Variants in GSR observed in about 807,000 individuals in gnomAD.
GSR encodes the protein glutathione reductase, mitochondrial.
A neutral mutation model predicts 56.5 loss-of-function variants in GSR; 48 were observed. The observed-to-expected ratio is 0.85, with a 90% CI of 0.67 to 1.08. GSR has a LOEUF of 1.08. Among genes scored for constraint, GSR ranks in the 50% least tolerant of loss-of-function variants. The pLI, the probability that GSR is intolerant of heterozygous loss-of-function variation, is 0.00. For missense variants in GSR, 694 were observed against 703.3 expected (o/e 0.99, Z 0.15); for synonymous variants, 264 against 270.8 (o/e 0.97, Z 0.25).
At chr8:30,688,704 C>T (rs1352967517) in intron 9 of GSR, among the ~76,000 whole-genome samples, 1 of 150,142 alleles carries the variant, frequency 6.7e-6, no homozygotes, top group East Asian at 2.0e-4. Flanking sequence ...ATGGGCGAAT[C>T]GCTTGAGCCG....
chr8:30,723,326 A>G (rs1804610663), intron 1 of GSR, among the ~76,000 whole-genome samples: 1 of 152,000 alleles, frequency 6.6e-6, no homozygotes, highest in Admixed American at 6.6e-5. Context: ...CCTTTTGGAG[A>G]CTTGAAATGC....
rs936468581 is a variant in GSR at position 30,727,652 on chromosome 8, C to T, written c.184G>A (p.Val62Met). 6.8e-7 allele frequency: 1 copy of T among 1,465,986 alleles called. No individual in the cohort carries two copies. The highest frequency in any genetic ancestry group is 8.9e-7 in the Non-Finnish European group (1 of 1,117,680). The allele number at this position is 1,465,986 out of a possible 1,614,324, so 90.8% of individuals were successfully genotyped here. A position where few individuals can be genotyped will look rare whatever the true frequency, so the allele number is the denominator to read the frequency against. Residue 62 changes from valine (V) to methionine (M), a missense_variant, in exon 1 of 13, where the codon GTG becomes ATG. Physicochemically the swap from Val to Met is conservative, Grantham distance 21. Coordinates refer to ENST00000221130, the MANE Select transcript of GSR (RefSeq NM_000637.5). ...PQGPPPAAGA[V>M]ASYDYLVIGG... ...ATCACCAGGTAGTCATAGGAGGCCA[C>T]GGCGCCAGCAGCGGGCGGCGGGCCC...
intron 9 of GSR, among the ~76,000 whole-genome samples, chr8:30,685,976 A>ACT (rs949138610): frequency 2.7e-5 from 3 of 109,204 alleles, no homozygotes; most frequent in African/African-American, 1.1e-4. Flanking sequence ...ACAGAAAGAG[A>ACT]CTCTGCCTCA....
intron 4 of GSR, among the ~76,000 whole-genome samples, chr8:30,706,554 C>T (rs545531818): frequency 5.8e-4 from 88 of 152,082 alleles, no homozygotes; most frequent in Admixed American, 2.4e-3. Context: ...ATCTTAGAAA[C>T]AGCAAAGTGA....
At position 30,679,633 on chromosome 8, in the gene GSR, C is replaced by T; in HGVS notation, c.1456G>A (p.Glu486Lys). 6.2e-7 allele frequency: 1 copy of T among 1,613,852 alleles called. No individual in the cohort carries two copies. The highest frequency in any genetic ancestry group is 8.5e-7 in the Non-Finnish European group (1 of 1,179,854). ...GCAACAGCAAAACCCTGCAGCATTT[C>T]ATCACACCCAAGTCCCTGCATATGG... ...GIHMQGLGCD[E>K]MLQGFAVAVK... The change falls in exon 13 of 13, where the codon GAA (glutamate) becomes AAA (lysine). Residue 486 changes from glutamate (E) to lysine (K), a missense_variant. By Grantham distance (56) the Glu-to-Lys change is moderately conservative. Transcript: ENST00000221130.
chr8:30,719,360 C>T (rs1586069505), intron 1 of GSR, among the ~76,000 whole-genome samples: 1 of 151,894 alleles, frequency 6.6e-6, no homozygotes, highest in East Asian at 1.9e-4. Context: ...TCATGATCCG[C>T]CCACCTCGGC....
intron 10 of GSR, 76 bp downstream of exon 10, chr8:30,684,012 C>T: frequency 1.2e-6 from 1 of 813,950 alleles, no homozygotes; most frequent in Admixed American, 1.7e-5. Context: ...AAGCAGACTG[C>T]AGATTTGACA....
At chr8:30,709,733 T>C (rs1804059144) in intron 3 of GSR, 81 bp downstream of exon 3, 1 of 790,648 alleles carries the variant, frequency 1.3e-6, no homozygotes, top group Non-Finnish European at 2.3e-6. Flanking sequence ...TCCTCCTCCA[T>C]CCCTAAAAAA....
chr8:30,727,505 G>A, intron 1 of GSR, 25 bp downstream of exon 1: 1 of 1,531,986 alleles, frequency 6.5e-7, no homozygotes, highest in Non-Finnish European at 8.8e-7. Flanking sequence ...GGCGCCCCCC[G>A]CCCGAACAAA....
intron 8 of GSR, 47 bp downstream of exon 8, chr8:30,692,922 G>T: frequency 1.8e-6 from 2 of 1,139,746 alleles, no homozygotes; most frequent in African/African-American, 1.5e-5. Context: ...CAAGCAGAAA[G>T]TGTGATTGAC....
intron 1 of GSR, among the ~76,000 whole-genome samples, chr8:30,726,578 G>A (rs1018745346): frequency 3.3e-5 from 5 of 152,072 alleles, no homozygotes; most frequent in Admixed American, 6.6e-5. Context: ...GGGCAACATA[G>A]CGAGACCCCC....
intron 10 of GSR, among the ~76,000 whole-genome samples, chr8:30,683,520 T>C (rs1301978119): frequency 1.3e-5 from 2 of 151,986 alleles, no homozygotes; most frequent in East Asian, 1.9e-4. Context: ...ATCTAGGCCA[T>C]GTGTGGTGGC....
chr8:30,699,338 G>T (rs1270510469), intron 6 of GSR, among the ~76,000 whole-genome samples: 1 of 151,876 alleles, frequency 6.6e-6, no homozygotes, highest in Non-Finnish European at 1.5e-5. Flanking sequence ...GCCAGGTGTG[G>T]TGGCTCACAT....
At chr8:30,680,378 C>T (rs1239105188) in intron 12 of GSR, among the ~76,000 whole-genome samples, 1 of 112,950 alleles carries the variant, frequency 8.9e-6, no homozygotes, top group African/African-American at 3.2e-5. Flanking sequence ...CCTGGCCTCT[C>T]CTGTTTTTTT....
intron 6 of GSR, among the ~76,000 whole-genome samples, chr8:30,697,173 T>C (rs1296746862): frequency 6.6e-6 from 1 of 152,004 alleles, no homozygotes; most frequent in Non-Finnish European, 1.5e-5. Flanking sequence ...CCTAGCACTT[T>C]GGGAGGCTGA....
intron 1 of GSR, among the ~76,000 whole-genome samples, chr8:30,713,127 C>T (rs1401960038): frequency 6.6e-6 from 1 of 152,060 alleles, no homozygotes; most frequent in East Asian, 1.9e-4. Flanking sequence ...AACTCCACCT[C>T]CCAGATTCAA....
intron 9 of GSR, among the ~76,000 whole-genome samples, chr8:30,686,340 C>T (rs1297103700): frequency 6.6e-6 from 1 of 151,838 alleles, no homozygotes; most frequent in African/African-American, 2.4e-5. Flanking sequence ...ATAAATATAT[C>T]TTAATGTCAA....
Position 30,681,923 on chromosome 8 carries a change from T to G in GSR, c.1285+7A>C. The G allele has an allele frequency of 6.2e-7, 1 of 1,613,618 alleles. No individual in the cohort carries two copies. Among genetic ancestry groups the G allele is most frequent in the Non-Finnish European group, 8.5e-7 (1 of 1,179,574 alleles). ...CCACAAATGACCTTCAGTTTTTAAATACCTACCTTCCGTGAGTCCCACTGT... is the reference window on the plus strand; with the variant it reads ...CCACAAATGACCTTCAGTTTTTAAAGACCTACCTTCCGTGAGTCCCACTGT... On this transcript the variant is annotated splice_region_variant and intron_variant, in intron 11 of 12. Coordinates refer to ENST00000221130, the MANE Select transcript of GSR (RefSeq NM_000637.5).
chr8:30,727,471 TC>T, intron 1 of GSR, 58 bp downstream of exon 1: 1 of 1,442,376 alleles, frequency 6.9e-7, no homozygotes. Context: ...GCACAGGCTG[TC>T]CCCCGAAAGA....
Sources: allele counts gnomAD v4.1 joint callset (sites outside exome capture counted in the v4.1 genomes callset), GRCh38; gene constraint gnomAD v4.1.1; transcripts MANE v1.5; gene names NCBI Gene and HGNC (gene_info 2026-07-23, HGNC 2026-07-21).